FMN2: variants seen among roughly 807,000 people sequenced by gnomAD.
FMN2 encodes the protein formin 2, also known as formin-2.
Under a neutral mutation model 142.3 loss-of-function variants are expected in FMN2, and 51 were observed. The observed-to-expected ratio is 0.36, with a 90% CI of 0.29 to 0.45. The LOEUF is 0.45. Ranked by LOEUF, FMN2 falls within the 20% of genes least tolerant of loss-of-function variation. FMN2 has a pLI of 1.00. For missense variants in FMN2, 1,936 were observed against 2,122.8 expected, an observed-to-expected ratio of 0.91 and a Z score of 1.73; for synonymous variants, 882 against 869.8, an observed-to-expected ratio of 1.01 and a Z score of -0.25.
chr1:240,298,263 C>T lies in FMN2; in HGVS notation c.4215+3380C>T, dbSNP rs181360692. ...AGTACCAGGTTAGCCCTCTGCAGTA[C>T]AGGAACTTGAAGGATCCGTTATGAA... On this transcript the variant is annotated intron_variant, in intron 8 of 17. Coordinates refer to ENST00000319653, the MANE Select transcript of FMN2 (RefSeq NM_020066.5). 2.8e-3 allele frequency among the ~76,000 whole-genome samples: 430 copies of T among 152,282 alleles called. 2 individuals carry two copies. The highest frequency in any genetic ancestry group is 0.017 in the South Asian group (81 of 4,820).
intron 1 of FMN2, among the ~76,000 whole-genome samples, chr1:240,116,444 T>C (rs1195610823): frequency 2.6e-5 from 4 of 151,882 alleles, no homozygotes; most frequent in Non-Finnish European, 5.9e-5. Flanking sequence ...CCGTGTTGGG[T>C]AGAGAAGCCA....
Position 240,360,985 on chromosome 1 carries a change from G to T in FMN2, c.4858+5077G>T, listed in dbSNP as rs865793306. 5.3e-5 allele frequency among the ~76,000 whole-genome samples: 8 copies of T among 151,654 alleles called. No homozygotes were observed. The East Asian group carries it at 5.9e-4, about 11-fold the overall frequency. On this transcript the variant is annotated intron_variant, in intron 14 of 17. Transcript: ENST00000319653. ...AGGGCCTGTTGTGGGGTCGGGAGAG[G>T]GGGGAGGGATAGCATTAGGAGATAT...
Position 240,207,552 on chromosome 1 carries a change from C to T in FMN2, c.2740C>T (p.Pro914Ser). The change falls in exon 5 of 18, where the codon CCT (proline) becomes TCT (serine). Residue 914 changes from proline (P) to serine (S), a missense_variant. Around this residue, in one of 8 missense-constraint regions of FMN2, gnomAD observed 478 missense variants for 462.8 expected, o/e 1.03. Coordinates refer to ENST00000319653, the MANE Select transcript of FMN2 (RefSeq NM_020066.5). ...GTEMLPPPPP[P>S]LPGAGIPPPP... Reference sequence around the variant, plus strand: ...AGAAATGCTGCCACCCCCTCCCCCTCCTCTTCCCGGAGCGGGCATACCTCC... The same window carrying T: ...AGAAATGCTGCCACCCCCTCCCCCTTCTCTTCCCGGAGCGGGCATACCTCC... 6.2e-7 allele frequency: 1 copy of T among 1,612,404 alleles called. No homozygotes were observed.
chr1:240,152,606 A>G (rs138802011), intron 2 of FMN2, among the ~76,000 whole-genome samples: 3,195 of 152,292 alleles, frequency 0.021, 102 homozygotes, highest in African/African-American at 0.073. Context: ...ACCTCAGCAC[A>G]GTGGCCCTGT....
At chr1:240,124,823 A>G (rs1031938177) in intron 2 of FMN2, among the ~76,000 whole-genome samples, 2 of 151,988 alleles carry the variant, frequency 1.3e-5, no homozygotes, top group African/African-American at 4.8e-5. Context: ...GCGCACCACT[A>G]TGCCTGGCTA....
chr1:240,199,872 C>A (rs1572051735), intron 4 of FMN2, among the ~76,000 whole-genome samples: 1 of 152,144 alleles, frequency 6.6e-6, no homozygotes, highest in African/African-American at 2.4e-5. Context: ...GCCAAGCTTA[C>A]TTTTCTCTTT....
chr1:240,363,959 G>A (rs960907564), intron 14 of FMN2, among the ~76,000 whole-genome samples: 1 of 152,082 alleles, frequency 6.6e-6, no homozygotes, highest in Non-Finnish European at 1.5e-5. Context: ...GGGAAAGTGG[G>A]GGGTTCAGTA....
At position 240,330,630 on chromosome 1, in the gene FMN2, C is replaced by A. The variant is rs1671344842; in HGVS notation, c.4465C>A (p.Gln1489Lys). The change falls in exon 11 of 18, where the codon CAG (glutamine) becomes AAG (lysine). Residue 1489 changes from glutamine (Q) to lysine (K), a missense_variant. Physicochemically the swap from Gln to Lys is moderately conservative, Grantham distance 53 (BLOSUM62 1). Transcript: ENST00000319653. Reference sequence around the variant, plus strand: ...ATTAAAAAATGGCCCAGGGGTTATGCAGGTTCTAGGTTTGGTTCTTGCCTT... The same window carrying A: ...ATTAAAAAATGGCCCAGGGGTTATGAAGGTTCTAGGTTTGGTTCTTGCCTT... ...ETLKNGPGVM[Q>K]VLGLVLAFGN... 6 of 1,613,804 alleles carry A rather than the reference C, an allele frequency of 3.7e-6. No individual in the cohort carries two copies. The East Asian group carries it at 1.3e-4, about 36-fold the overall frequency.
At chr1:240,305,578 A>G (rs779753914) in intron 8 of FMN2, among the ~76,000 whole-genome samples, 1 of 152,088 alleles carries the variant, frequency 6.6e-6, no homozygotes, top group Non-Finnish European at 1.5e-5. Context: ...ATTTTAAACT[A>G]TATTCTTCCT....
intron 14 of FMN2, among the ~76,000 whole-genome samples, chr1:240,371,115 A>AT (rs1672851053): frequency 1.3e-5 from 2 of 150,406 alleles, no homozygotes; most frequent in Admixed American, 1.3e-4. Context: ...ATTTTTTTTT[A>AT]TTTTTTGTTT....
At chr1:240,330,793 AG>A in intron 11 of FMN2, 44 bp downstream of exon 11, 1 of 1,595,058 alleles carries the variant, frequency 6.3e-7, no homozygotes, top group Non-Finnish European at 8.5e-7. Flanking sequence ...TGAGGAGTCA[AG>A]GTTTTGTTTA....
intron 4 of FMN2, among the ~76,000 whole-genome samples, chr1:240,193,331 G>A (rs1665786618): frequency 6.6e-6 from 1 of 152,016 alleles, no homozygotes; most frequent in African/African-American, 2.4e-5. Context: ...CAAAATCTTG[G>A]GTATTAAGAA....
intron 15 of FMN2, among the ~76,000 whole-genome samples, chr1:240,426,422 A>G (rs920907318): frequency 6.6e-6 from 1 of 152,228 alleles, no homozygotes; most frequent in African/African-American, 2.4e-5. Flanking sequence ...AAATATTTCT[A>G]GAATGCCATT....
At chr1:240,402,137 T>G (rs1376048903) in intron 15 of FMN2, among the ~76,000 whole-genome samples, 2 of 152,252 alleles carry the variant, frequency 1.3e-5, no homozygotes, top group Non-Finnish European at 2.9e-5. Flanking sequence ...CTAGTACATT[T>G]TTTAAAACAT....
At chr1:240,258,432 A>G (rs532259381) in intron 7 of FMN2, among the ~76,000 whole-genome samples, 37 of 152,208 alleles carry the variant, frequency 2.4e-4, no homozygotes, top group African/African-American at 7.0e-4. Context: ...CATCTTCTCC[A>G]TGTATCCTCA....
intron 5 of FMN2, among the ~76,000 whole-genome samples, chr1:240,209,773 G>T (rs996749858): frequency 2.0e-5 from 3 of 151,544 alleles, no homozygotes; most frequent in African/African-American, 7.3e-5. Context: ...GCGAGGTGGC[G>T]GGCGCCGGTA....
intron 14 of FMN2, among the ~76,000 whole-genome samples, chr1:240,363,166 T>C (rs369510110): frequency 3.5e-4 from 54 of 152,310 alleles, no homozygotes; most frequent in African/African-American, 1.3e-3. Context: ...AAAGGAATAT[T>C]CTTTATGCAG....
chr1:240,144,143 T>TG lies in FMN2; in HGVS notation c.1782+20799dup. 4 of 1,307,832 alleles carry TG rather than the reference T, an allele frequency of 3.1e-6. No individual in the cohort carries two copies. The South Asian group carries it at 4.7e-5, about 15-fold the overall frequency. 81.0% of individuals were successfully genotyped at this position (1,307,832 alleles called of 1,614,324 possible). A position where few individuals can be genotyped will look rare whatever the true frequency, so the allele number is the denominator to read the frequency against. ...CCCACAGCAGCAGCATCCCAACAGA[T>TG]GCAGCTGCACTCAACATTCCGTGGT... On this transcript the variant is annotated intron_variant, in intron 2 of 17. Coordinates refer to ENST00000319653, the MANE Select transcript of FMN2 (RefSeq NM_020066.5).
In FMN2 at chr1:240,346,374, A is replaced by ATC. The variant is rs372414081; in HGVS notation, c.4766-9429_4766-9428dup. On this transcript the variant is annotated intron_variant, in intron 13 of 17. Transcript: ENST00000319653. The stretch of plus-strand genomic sequence containing the variant: ...TATACAAAAGTTATACAAATGTGGT[A>ATC]TCTCTCTCTCTCTCCCTCTTAAAAT... Among the ~76,000 whole-genome samples, 1,269 of 151,830 alleles carry ATC rather than the reference A, an allele frequency of 8.4e-3. 15 individuals carry two copies. The highest frequency in any genetic ancestry group is 0.029 in the African/African-American group (1,202 of 41,428).
Sources: gnomAD v4.1 joint callset for allele counts (sites outside exome capture counted in the v4.1 genomes callset) on GRCh38, gnomAD v4.1.1 for gene constraint, gnomAD v4.1.1 regional missense constraint, MANE v1.5 for transcripts, NCBI Gene and HGNC (gene_info 2026-07-23, HGNC 2026-07-21) for gene names.